The following C7 variants were observed in gnomAD, a reference collection of about 807,000 sequenced individuals.
C7 encodes complement C7.
Under a neutral mutation model 104.8 loss-of-function variants are expected in C7, and 83 were observed. The ratio of observed to expected loss-of-function variants is 0.79; its 90% confidence interval spans 0.66 to 0.95. The LOEUF is 0.95. C7 is among the 40% of genes least tolerant of loss of function. The pLI is 0.00. For missense variants in C7, 1,070 were observed against 1,011.2 expected, an observed-to-expected ratio of 1.06 and a Z score of -0.79; for synonymous variants, 415 against 360.6, an observed-to-expected ratio of 1.15 and a Z score of -1.71.
chr5:40,948,933 G>C (rs146316702), intron 8 of C7, among the ~76,000 whole-genome samples: 6 of 151,674 alleles, frequency 4.0e-5, no homozygotes, highest in African/African-American at 1.5e-4. Flanking sequence ...TTTTTTTGAA[G>C]TTCTCTACTA....
At chr5:40,938,963 G>C (rs192172151) in intron 6 of C7, among the ~76,000 whole-genome samples, 11 of 152,180 alleles carry the variant, frequency 7.2e-5, no homozygotes, top group African/African-American at 2.6e-4. Context: ...CGAAATTTCT[G>C]GTCTCATCGG....
At chr5:40,942,634 T>C (rs1739962950) in intron 6 of C7, among the ~76,000 whole-genome samples, 1 of 152,042 alleles carries the variant, frequency 6.6e-6, no homozygotes, top group Non-Finnish European at 1.5e-5. Context: ...ATAGGTACTG[T>C]AGAGAATGGG....
intron 17 of C7, chr5:40,980,483 AAAG>A (rs1025618979): frequency 6.6e-6 from 1 of 152,028 alleles, no homozygotes; most frequent in African/African-American, 2.4e-5. Context: ...GAAGAGAATA[AAAG>A]AAGAAGTTAC....
intron 4 of C7, 118 bp downstream of exon 4, chr5:40,934,584 C>T: frequency 3.1e-6 from 3 of 970,390 alleles, no homozygotes; most frequent in South Asian, 3.5e-5. Flanking sequence ...AAGTTAATTC[C>T]CCCAAATATC....
At chr5:40,914,565 T>C (rs571904428) in intron 1 of C7, among the ~76,000 whole-genome samples, 105 of 152,336 alleles carry the variant, frequency 6.9e-4, no homozygotes, top group African/African-American at 2.0e-3. Context: ...GAGTTTTCCC[T>C]AGGTTTTCTT....
chr5:40,944,831 C>G (rs933915135), intron 6 of C7, among the ~76,000 whole-genome samples: 1 of 152,182 alleles, frequency 6.6e-6, no homozygotes, highest in Non-Finnish European at 1.5e-5. Context: ...ATCTCTGTTC[C>G]TCTTTGTTAG....
chr5:40,957,537 C>T (rs1740316028), intron 10 of C7, among the ~76,000 whole-genome samples: 1 of 152,154 alleles, frequency 6.6e-6, no homozygotes, highest in Non-Finnish European at 1.5e-5. Context: ...CTCAGCGCAA[C>T]CTCCACCTCC....
intron 1 of C7, among the ~76,000 whole-genome samples, chr5:40,925,931 T>A (rs1053065936): frequency 3.9e-5 from 6 of 152,158 alleles, no homozygotes; most frequent in African/African-American, 1.4e-4. Flanking sequence ...TATCCTGATA[T>A]CAAAGCCAAA....
chr5:40,920,977 A>C (rs1483030335), intron 1 of C7, among the ~76,000 whole-genome samples: 1 of 151,308 alleles, frequency 6.6e-6, no homozygotes, highest in Non-Finnish European at 1.5e-5. Flanking sequence ...TGAACTTGGG[A>C]GGCTGAGGTT....
intron 1 of C7, among the ~76,000 whole-genome samples, chr5:40,917,003 C>T (rs999279151): frequency 4.6e-5 from 7 of 151,912 alleles, no homozygotes; most frequent in African/African-American, 9.7e-5. Context: ...GGCATGTTGG[C>T]GCTCACCTGT....
chr5:40,911,461 G>A (rs924624038), intron 1 of C7, among the ~76,000 whole-genome samples: 9 of 152,314 alleles, frequency 5.9e-5, no homozygotes, highest in East Asian at 1.9e-4. Context: ...GACTTCCCTC[G>A]GAGCTGGCTG....
chr5:40,913,409 C>A (rs1739252390), intron 1 of C7, among the ~76,000 whole-genome samples: 1 of 152,118 alleles, frequency 6.6e-6, no homozygotes, highest in Non-Finnish European at 1.5e-5. Context: ...TACTAATTTA[C>A]ATTCCCACCA....
chr5:40,977,714 G>A (rs1471431888), intron 16 of C7, among the ~76,000 whole-genome samples: 3 of 152,174 alleles, frequency 2.0e-5, no homozygotes, highest in Non-Finnish European at 2.9e-5. Flanking sequence ...GCTAGAGGCC[G>A]AGGAAGTCCA....
chr5:40,965,729 C>T (rs1740537200), intron 14 of C7, among the ~76,000 whole-genome samples: 1 of 151,382 alleles, frequency 6.6e-6, no homozygotes, highest in African/African-American at 2.4e-5. Context: ...GCAACCTCCA[C>T]ATCCCAGGTT....
intron 15 of C7, among the ~76,000 whole-genome samples, chr5:40,973,287 A>G (rs1740737393): frequency 6.6e-6 from 1 of 152,190 alleles, no homozygotes; most frequent in South Asian, 2.1e-4. Flanking sequence ...CTTTGTTTAC[A>G]TTTTTTAAAT....
chr5:40,942,962 C>T lies in C7; in HGVS notation c.568-2236C>T, dbSNP rs1739972371. On this transcript the variant is annotated intron_variant, in intron 6 of 17. Coordinates refer to ENST00000313164, the MANE Select transcript of C7 (RefSeq NM_000587.4). Reference sequence around the variant, plus strand: ...GTATTTTTAGTAGAGATGGGTTTCACCATGTTGGCCAGGATGGTCTCCATC... The same window carrying T: ...GTATTTTTAGTAGAGATGGGTTTCATCATGTTGGCCAGGATGGTCTCCATC... Among the ~76,000 whole-genome samples, 4 of 152,076 alleles carry T rather than the reference C, an allele frequency of 2.6e-5. No individual in the cohort carries two copies. The South Asian group carries it at 8.3e-4, about 32-fold the overall frequency.
At chr5:40,936,285 T>G in intron 4 of C7, 53 bp from the exon 5 acceptor site, 1 of 1,584,176 alleles carries the variant, frequency 6.3e-7, no homozygotes, top group Non-Finnish European at 8.7e-7. Flanking sequence ...TCCTGGGTAG[T>G]GTTTCTCCTC....
chr5:40,955,321 A>C, intron 9 of C7, 66 bp from the exon 10 acceptor site: 1 of 1,491,378 alleles, frequency 6.7e-7, no homozygotes, highest in Non-Finnish European at 9.1e-7. Context: ...AGGATGTCAT[A>C]CAATTTGATA....
intron 16 of C7, among the ~76,000 whole-genome samples, chr5:40,978,869 G>A (rs1740874667): frequency 1.1e-5 from 1 of 89,932 alleles, no homozygotes; most frequent in Non-Finnish European, 2.5e-5. Context: ...CACATTTTAT[G>A]GAAATTTTTT....
Sources: allele counts gnomAD v4.1 joint callset (sites outside exome capture counted in the v4.1 genomes callset), GRCh38; gene constraint gnomAD v4.1.1; transcripts MANE v1.5; gene names NCBI Gene and HGNC (gene_info 2026-07-23, HGNC 2026-07-21).